PRH1: variants seen among roughly 807,000 people sequenced by gnomAD.
The protein encoded by PRH1 is salivary acidic proline-rich phosphoprotein 1/2.
Under a neutral mutation model 7.9 loss-of-function variants are expected in PRH1, and 7 were observed. The ratio of observed to expected loss-of-function variants is 0.89; its 90% CI spans 0.50 to 1.67. PRH1 has a LOEUF of 1.67. Ranked by LOEUF, PRH1 falls within the 40% of genes most tolerant of loss-of-function variation. PRH1 has a pLI of 0.00. For missense variants in PRH1, 109 were observed against 223.6 expected (o/e 0.49, Z 3.27); for synonymous variants, 45 against 80.8 (o/e 0.56, Z 2.38).
At chr12:10,914,818 G>T (rs1949950553) in intron 2 of PRH1, among the ~76,000 whole-genome samples, 1 of 152,204 alleles carries the variant, frequency 6.6e-6, no homozygotes, top group Admixed American at 6.5e-5. Context: ...TAGTATTTGA[G>T]TTTCTAAGCC....
At chr12:10,950,738 T>C (rs1314711345) in intron 2 of PRH1, among the ~76,000 whole-genome samples, 2 of 152,084 alleles carry the variant, frequency 1.3e-5, no homozygotes, top group African/African-American at 4.8e-5. Flanking sequence ...TTAGATTGTT[T>C]AGATTGTTTA....
chr12:10,965,583 A>AATTC (rs1938463323), intron 2 of PRH1, among the ~76,000 whole-genome samples: 1 of 152,238 alleles, frequency 6.6e-6, no homozygotes, highest in African/African-American at 2.4e-5. Flanking sequence ...AGCTCAACTT[A>AATTC]ATTCATTCAT....
intron 1 of PRH1, chr12:11,030,700 A>G: frequency 1.2e-6 from 2 of 1,614,210 alleles, no homozygotes; most frequent in Non-Finnish European, 1.7e-6. Flanking sequence ...ATCCTTTACC[A>G]TGGAGCTGCA....
intron 2 of PRH1, among the ~76,000 whole-genome samples, chr12:10,957,197 G>A (rs1396391829): frequency 2.6e-5 from 4 of 152,032 alleles, no homozygotes; most frequent in African/African-American, 9.7e-5. Flanking sequence ...AAACAGCATG[G>A]TAGTGGTACA....
At chr12:10,950,576 T>C (rs1353470217) in intron 2 of PRH1, among the ~76,000 whole-genome samples, 1 of 151,868 alleles carries the variant, frequency 6.6e-6, no homozygotes, top group Non-Finnish European at 1.5e-5. Flanking sequence ...TTGTATTATG[T>C]TGTTAACTTT....
Position 11,060,865 on chromosome 12 carries a change from A to C in PRH1, n.124-13677T>G, listed in dbSNP as rs149233775. ...AAAGACACATCCTTATTATTGATTT[A>C]GAATTGAATGACCTTACCATCCAAA... On this transcript the variant is annotated intron_variant and non_coding_transcript_variant, in intron 1 of 4. Coordinates refer to the PRH1 transcript ENST00000541977. 5.4e-3 allele frequency among the ~76,000 whole-genome samples: 820 copies of C among 152,394 alleles called. 6 individuals are homozygous for C. The highest frequency in any genetic ancestry group is 0.019 in the African/African-American group (780 of 41,594).
At chr12:10,944,157 C>A (rs1355516615) in intron 2 of PRH1, among the ~76,000 whole-genome samples, 4 of 152,150 alleles carry the variant, frequency 2.6e-5, no homozygotes, top group Non-Finnish European at 2.9e-5. Context: ...TGAATCTGTA[C>A]ATTCCTTTGG....
intron 1 of PRH1, among the ~76,000 whole-genome samples, chr12:11,020,361 G>A (rs377660685): frequency 0.053 from 404 of 7,670 alleles, no homozygotes; most frequent in East Asian, 0.27. Flanking sequence ...CGTATGATAA[G>A]CGATATATAT....
chr12:11,129,048 A>G (rs1946236569), intron 1 of PRH1, among the ~76,000 whole-genome samples: 1 of 152,078 alleles, frequency 6.6e-6, no homozygotes, highest in Non-Finnish European at 1.5e-5. Context: ...TCAGCTTCTC[A>G]ACTATTTGGA....
chr12:10,942,430 G>A (rs745692858), intron 2 of PRH1, among the ~76,000 whole-genome samples: 9 of 152,118 alleles, frequency 5.9e-5, no homozygotes, highest in Non-Finnish European at 1.5e-5. Context: ...CAGGTTAATG[G>A]AGTTATGCAC....
chr12:10,920,674 G>T (rs1167935686), intron 2 of PRH1, among the ~76,000 whole-genome samples: 2 of 151,826 alleles, frequency 1.3e-5, no homozygotes, highest in Admixed American at 6.6e-5. Context: ...AAATTATCTA[G>T]GTGGAATTAC....
At chr12:10,881,188 GC>G (rs1384143386) in intron 3 of PRH1, 132 bp from the exon 4 acceptor site, 1 of 153,528 alleles carries the variant, frequency 6.5e-6, no homozygotes, top group Non-Finnish European at 1.5e-5. Flanking sequence ...CCCTTCTACA[GC>G]CCCCTTCTCC....
intron 1 of PRH1, among the ~76,000 whole-genome samples, chr12:11,007,075 C>G (rs1285491834): frequency 6.6e-6 from 1 of 152,078 alleles, no homozygotes; most frequent in Non-Finnish European, 1.5e-5. Flanking sequence ...ATACATATGT[C>G]ATACAGTAAA....
chr12:11,061,642 T>C, intron 1 of PRH1: 2 of 1,614,132 alleles, frequency 1.2e-6, no homozygotes, highest in Non-Finnish European at 1.7e-6. Context: ...CATGCTGGGA[T>C]CTTGAGATCC....
At chr12:11,020,991 A>T (rs1316306840) in intron 1 of PRH1, among the ~76,000 whole-genome samples, 2 of 152,240 alleles carry the variant, frequency 1.3e-5, no homozygotes, top group African/African-American at 4.8e-5. Flanking sequence ...ATGTTTCTTC[A>T]TTCCTATTAT....
At chr12:11,082,548 G>T (rs1035943695) in intron 1 of PRH1, among the ~76,000 whole-genome samples, 1 of 112,796 alleles carries the variant, frequency 8.9e-6, no homozygotes, top group Non-Finnish European at 2.1e-5. Flanking sequence ...TCAGGTGATC[G>T]GCCAGCCTTG....
chr12:10,975,874 A>G (rs1474669795), intron 1 of PRH1, among the ~76,000 whole-genome samples: 1 of 152,232 alleles, frequency 6.6e-6, no homozygotes, highest in East Asian at 1.9e-4. Flanking sequence ...AGACCTAACT[A>G]TTCTGAATAT....
chr12:11,106,141 C>T lies in PRH1; in HGVS notation n.124-58953G>A, dbSNP rs1345377131. ...ATTTTTAGTAGAGACGGGGTTTCAC[C>T]GTGTTAGCCAGGATGGTCTCGATCT... On this transcript the variant is annotated intron_variant and non_coding_transcript_variant, in intron 1 of 4. Coordinates refer to the PRH1 transcript ENST00000541977. Among the ~76,000 whole-genome samples, 19 of 55,602 alleles carry T rather than the reference C, an allele frequency of 3.4e-4. 5 individuals carry two copies. The highest frequency in any genetic ancestry group is 6.5e-4 in the Non-Finnish European group (13 of 19,906). The allele number at this position is 55,602 out of a possible 152,430, so 36.5% of individuals were successfully genotyped here. A position where few individuals can be genotyped will look rare whatever the true frequency, so the allele number is the denominator to read the frequency against.
chr12:11,004,364 G>A (rs1453991750), intron 1 of PRH1, among the ~76,000 whole-genome samples: 1 of 152,010 alleles, frequency 6.6e-6, no homozygotes, highest in Non-Finnish European at 1.5e-5. Context: ...AAATTAGCCT[G>A]GTGTGGTGAT....
Sources: gnomAD v4.1 joint callset for allele counts (sites outside exome capture counted in the v4.1 genomes callset) on GRCh38, gnomAD v4.1.1 for gene constraint, MANE v1.5 for transcripts, NCBI Gene and HGNC (gene_info 2026-07-23, HGNC 2026-07-21) for gene names.